The following UNC80 variants were observed in gnomAD, a reference collection of about 807,000 sequenced individuals.
The protein encoded by UNC80 is protein unc-80 homolog.
Under a neutral mutation model 384.6 loss-of-function variants are expected in UNC80, and 164 were observed. The ratio of observed to expected loss-of-function variants is 0.43; its 90% CI spans 0.38 to 0.49. The LOEUF (loss-of-function observed/expected upper bound fraction) is 0.49, where lower values mean the gene tolerates loss of function less well. Among genes scored for constraint, UNC80 ranks in the 20% least tolerant of loss-of-function variants. UNC80 has a pLI of 0.00. For synonymous variants in UNC80, 1,486 were observed against 1,527.8 expected, an observed-to-expected ratio of 0.97 and a Z score of 0.64; for missense variants, 3,330 against 4,143.0, an observed-to-expected ratio of 0.80 and a Z score of 5.39.
At chr2:209,798,616 T>G (rs1042998305) in intron 7 of UNC80, among the ~76,000 whole-genome samples, 13 of 152,118 alleles carry the variant, frequency 8.5e-5, no homozygotes, top group African/African-American at 2.9e-4. Flanking sequence ...CTTTGTTGTT[T>G]TTGCATAAGA....
chr2:209,797,969 T>C (rs1262440884), intron 7 of UNC80, among the ~76,000 whole-genome samples: 1 of 152,240 alleles, frequency 6.6e-6, no homozygotes, highest in Non-Finnish European at 1.5e-5. Context: ...TTTTGAGAAA[T>C]GACTGTTCAT....
intron 7 of UNC80, among the ~76,000 whole-genome samples, chr2:209,798,741 G>C (rs1364106751): frequency 6.6e-6 from 1 of 150,804 alleles, no homozygotes; most frequent in Non-Finnish European, 1.5e-5. Flanking sequence ...GCAGTGGTGT[G>C]ATCTTGGCTC....
At chr2:209,987,212 G>A (rs1001399709) in intron 61 of UNC80, among the ~76,000 whole-genome samples, 1 of 152,184 alleles carries the variant, frequency 6.6e-6, no homozygotes, top group African/African-American at 2.4e-5. Flanking sequence ...TAAGTTGGAT[G>A]GAGTGGGCTA....
intron 7 of UNC80, among the ~76,000 whole-genome samples, chr2:209,799,088 T>A (rs957927161): frequency 6.8e-6 from 1 of 146,686 alleles, no homozygotes. Flanking sequence ...AATAAGTGTT[T>A]TTTTTTTTTC....
intron 59 of UNC80, among the ~76,000 whole-genome samples, 162 bp downstream of exon 59, chr2:209,978,870 G>A (rs994478857): frequency 1.5e-4 from 23 of 152,176 alleles, no homozygotes; most frequent in African/African-American, 5.3e-4. Flanking sequence ...GATTCCTAAT[G>A]CCTGCATTTC....
At chr2:209,958,706 C>A (rs2092493172) in intron 49 of UNC80, among the ~76,000 whole-genome samples, 1 of 152,118 alleles carries the variant, frequency 6.6e-6, no homozygotes, top group African/African-American at 2.4e-5. Context: ...GTCTTAGTAT[C>A]CATGAATCAT....
chr2:209,847,813 A>G (rs1574719275), intron 21 of UNC80, among the ~76,000 whole-genome samples: 2 of 152,156 alleles, frequency 1.3e-5, no homozygotes, highest in Middle Eastern at 3.4e-3. Context: ...TTGATCATCT[A>G]TCTGGTCTTA....
Position 209,786,209 on chromosome 2 carries a change from A to C in UNC80, c.724+20A>C, listed in dbSNP as rs772810441. The C allele has an allele frequency of 6.2e-7, 1 of 1,611,662 alleles. No homozygotes were observed. The highest frequency in any genetic ancestry group is 1.7e-5 in the Admixed American group (1 of 59,860). The stretch of plus-strand genomic sequence containing the variant: ...TTACAGGTTTGTAACTTGGACACTC[A>C]GTAGGACAGTATTAGCAGATTCCCT... On this transcript the variant is annotated intron_variant, in intron 5 of 64. Transcript: ENST00000673920.
rs559100469 is a variant in UNC80, at chr2:209,869,534, A to C, written c.3628-3224A>C. Among the ~76,000 whole-genome samples the C allele has an allele frequency of 5.1e-4, 77 of 152,236 alleles. 2 individuals are homozygous for C. Among genetic ancestry groups the C allele is most frequent in the Non-Finnish European group, 9.3e-4 (63 of 68,004 alleles). ...CAATTTTCAGTATAGTAATATATAT[A>C]CTAAAATACCCCAGAAATTGGTATT... On this transcript the variant is annotated intron_variant, in intron 22 of 64. Transcript: ENST00000673920.
At chr2:209,883,868 A>G (rs1023215733) in intron 25 of UNC80, among the ~76,000 whole-genome samples, 1 of 152,208 alleles carries the variant, frequency 6.6e-6, no homozygotes, top group Non-Finnish European at 1.5e-5. Flanking sequence ...GTTGTCACAT[A>G]TGTCAGAATT....
intron 16 of UNC80, among the ~76,000 whole-genome samples, chr2:209,833,307 A>G (rs1397568664): frequency 1.3e-5 from 2 of 150,650 alleles, no homozygotes; most frequent in Admixed American, 1.3e-4. Context: ...TACAGTAACT[A>G]CCTTCTTCAT....
At chr2:209,889,917 G>A (rs969764612) in intron 26 of UNC80, among the ~76,000 whole-genome samples, 3 of 152,010 alleles carry the variant, frequency 2.0e-5, no homozygotes, top group African/African-American at 4.8e-5. Context: ...CACCACTTTA[G>A]CAAGGCTGGT....
chr2:209,971,244 A>C (rs1250381235), intron 54 of UNC80, among the ~76,000 whole-genome samples: 1 of 152,194 alleles, frequency 6.6e-6, no homozygotes, highest in East Asian at 1.9e-4. Flanking sequence ...TTCACAGATA[A>C]TCAGCTCACA....
intron 22 of UNC80, among the ~76,000 whole-genome samples, chr2:209,868,670 G>A (rs1030427778): frequency 1.3e-5 from 2 of 152,156 alleles, no homozygotes; most frequent in Non-Finnish European, 2.9e-5. Flanking sequence ...TCTACCTGTA[G>A]ACTGTAAGAG....
chr2:209,887,059 A>T (rs1367737593), intron 25 of UNC80, among the ~76,000 whole-genome samples: 1 of 151,902 alleles, frequency 6.6e-6, no homozygotes. Context: ...ATTTTTTGAC[A>T]GAGTTTCCCT....
intron 29 of UNC80, among the ~76,000 whole-genome samples, 176 bp downstream of exon 29, chr2:209,905,141 A>G (rs984939295): frequency 2.0e-5 from 3 of 152,216 alleles, no homozygotes; most frequent in African/African-American, 4.8e-5. Context: ...TTTCTTGTCC[A>G]TGAGTAAACA....
chr2:209,882,549 T>A (rs948481424), intron 25 of UNC80, among the ~76,000 whole-genome samples: 7 of 152,328 alleles, frequency 4.6e-5, no homozygotes, highest in Non-Finnish European at 8.8e-5. Flanking sequence ...AAAAGAGAAG[T>A]TTCTTCTACT....
intron 7 of UNC80, chr2:209,809,452 C>T: frequency 6.8e-7 from 1 of 1,475,878 alleles, no homozygotes; most frequent in Non-Finnish European, 9.5e-7. Context: ...CCGCTCCAAC[C>T]TGCGGGCCCA....
At position 209,937,532 on chromosome 2, in the gene UNC80, T is replaced by C. The variant is rs978156677; in HGVS notation, c.6367T>C (p.Tyr2123His). 1 of 1,549,130 alleles carries C rather than the reference T, an allele frequency of 6.5e-7. No individual in the cohort carries two copies. Among genetic ancestry groups the C allele is most frequent in the African/African-American group, 1.4e-5 (1 of 72,972 alleles). The change falls in exon 42 of 65, where the codon TAT (tyrosine) becomes CAT (histidine). Residue 2123 changes from tyrosine to histidine, a missense_variant. This residue lies in a region of UNC80 where 1,049 missense variants were observed against 1,488.6 expected (regional missense o/e 0.70). Coordinates refer to ENST00000673920, the MANE Select transcript of UNC80 (RefSeq NM_001371986.1). ...RWNLIHYNKT[Y>H]VRDIYPFRRS... The stretch of plus-strand genomic sequence containing the variant: ...TCTCTTTATGTAATCCACACAGACC[T>C]ATGTTCGAGATATTTATCCTTTCCG...
Sources: allele counts gnomAD v4.1 joint callset (sites outside exome capture counted in the v4.1 genomes callset), GRCh38; gene constraint gnomAD v4.1.1; regional missense constraint gnomAD v4.1.1; transcripts MANE v1.5; gene names NCBI Gene and HGNC (gene_info 2026-07-23, HGNC 2026-07-21).